CACNA1E: variants seen among roughly 807,000 people sequenced by gnomAD.
The protein encoded by CACNA1E is voltage-dependent R-type calcium channel subunit alpha-1E.
In CACNA1E, 40 loss-of-function variants were observed where a neutral mutation model predicts 259.2. The observed-to-expected ratio is 0.15, with a 90% confidence interval of 0.12 to 0.20. The LOEUF (loss-of-function observed/expected upper bound fraction) is 0.20. Ranked by LOEUF, CACNA1E falls within the 10% of genes least tolerant of loss-of-function variation. CACNA1E has a pLI of 1.00. For synonymous variants in CACNA1E, 1,104 were observed against 1,138.5 expected, an observed-to-expected ratio of 0.97 and a Z score of 0.61; for missense variants, 1,874 against 3,040.1, an observed-to-expected ratio of 0.62 and a Z score of 9.02.
intron 2 of CACNA1E, among the ~76,000 whole-genome samples, chr1:181,452,819 C>G (rs1020445578): frequency 1.3e-5 from 2 of 152,246 alleles, no homozygotes; most frequent in Non-Finnish European, 2.9e-5. Context: ...CCCTCTGGAT[C>G]TTGTTCTAGG....
chr1:181,556,874 G>A (rs1455662700), intron 3 of CACNA1E, among the ~76,000 whole-genome samples: 2 of 152,204 alleles, frequency 1.3e-5, no homozygotes, highest in East Asian at 1.9e-4. Flanking sequence ...AAAGAGAACC[G>A]AGGATAATTT....
chr1:181,401,244 A>G (rs1339971602), intron 1 of CACNA1E, among the ~76,000 whole-genome samples: 1 of 151,844 alleles, frequency 6.6e-6, no homozygotes, highest in Non-Finnish European at 1.5e-5. Context: ...TTTCAGTTGC[A>G]GTCCACCCTA....
intron 18 of CACNA1E, among the ~76,000 whole-genome samples, chr1:181,729,545 G>A (rs1285587333): frequency 6.6e-6 from 1 of 152,206 alleles, no homozygotes; most frequent in Non-Finnish European, 1.5e-5. Flanking sequence ...ACCTCAGAGA[G>A]AAAACCACTC....
intron 7 of CACNA1E, among the ~76,000 whole-genome samples, chr1:181,670,347 G>A (rs1648668774): frequency 6.6e-6 from 1 of 152,198 alleles, no homozygotes; most frequent in African/African-American, 2.4e-5. Flanking sequence ...TGTTAGAGTT[G>A]TAGTTGAATT....
rs554579621 is a variant in CACNA1E, at chr1:181,654,484, A to T, written c.1055+3043A>T. ...CCAGAGCCAAAAGACTCACATTGCC[A>T]GATTAAAAGATGTGTTGAGGCAGAT... On this transcript the variant is annotated intron_variant, in intron 7 of 47. Coordinates refer to ENST00000367573, the MANE Select transcript of CACNA1E (RefSeq NM_001205293.3). Among the ~76,000 whole-genome samples the T allele has an allele frequency of 3.9e-5, 6 of 152,324 alleles. No homozygotes were observed. The South Asian group carries it at 1.2e-3, about 32-fold the overall frequency.
chr1:181,799,154 T>G lies in CACNA1E; in HGVS notation c.*320T>G. On this transcript the variant is annotated 3_prime_UTR_variant, in exon 48 of 48. Coordinates refer to ENST00000367573, the MANE Select transcript of CACNA1E (RefSeq NM_001205293.3). ...TTCCCCTTGCCCCTTCCCACTTTTC[T>G]AAAAGCTGTGGAGGGATCTAGCTGG... The G allele has an allele frequency of 4.4e-6, 1 of 224,762 alleles. No individual in the cohort carries two copies. The highest frequency in any genetic ancestry group is 1.0e-4 in the East Asian group (1 of 9,574). 13.9% of individuals were successfully genotyped at this position (224,762 alleles called of 1,614,324 possible).
intron 6 of CACNA1E, among the ~76,000 whole-genome samples, chr1:181,591,218 A>T (rs1283012880): frequency 1.3e-5 from 2 of 152,320 alleles, no homozygotes; most frequent in East Asian, 3.9e-4. Context: ...CTTTGTGGAG[A>T]CCTTGGAGTC....
At chr1:181,746,337 C>T (rs1335403494) in intron 25 of CACNA1E, among the ~76,000 whole-genome samples, 1 of 152,210 alleles carries the variant, frequency 6.6e-6, no homozygotes, top group Non-Finnish European at 1.5e-5. Flanking sequence ...TTATTTATCA[C>T]CGAACAGTCC....
chr1:181,320,141 C>T (rs536161672), intron 1 of CACNA1E, among the ~76,000 whole-genome samples: 2 of 152,294 alleles, frequency 1.3e-5, no homozygotes, highest in Non-Finnish European at 2.9e-5. Context: ...CACAGAGTCA[C>T]ATGGTTGAGC....
chr1:181,523,795 A>G (rs775511185), intron 3 of CACNA1E, among the ~76,000 whole-genome samples: 3 of 152,226 alleles, frequency 2.0e-5, no homozygotes, highest in East Asian at 3.8e-4. Context: ...CAGAACTGCA[A>G]TGTATGCCCC....
At chr1:181,420,553 T>C (rs1658650320) in intron 2 of CACNA1E, among the ~76,000 whole-genome samples, 1 of 152,242 alleles carries the variant, frequency 6.6e-6, no homozygotes, top group Admixed American at 6.5e-5. Context: ...TGTTATTATT[T>C]ATAATTTACA....
intron 2 of CACNA1E, among the ~76,000 whole-genome samples, chr1:181,469,744 TTAGGGAGG>T (rs1558028315): frequency 1.3e-5 from 2 of 151,508 alleles, no homozygotes; most frequent in African/African-American, 2.4e-5. Flanking sequence ...GAAGGAGCAG[TTAGGGAGG>T]TAGAAGGAGG....
intron 2 of CACNA1E, among the ~76,000 whole-genome samples, chr1:181,434,710 C>G (rs558153762): frequency 6.6e-6 from 1 of 152,106 alleles, no homozygotes; most frequent in African/African-American, 2.4e-5. Flanking sequence ...AAGCAGGGAG[C>G]GCAGGGGGTT....
intron 2 of CACNA1E, among the ~76,000 whole-genome samples, chr1:181,470,414 TTCTC>T (rs1217052564): frequency 1.3e-5 from 2 of 152,094 alleles, no homozygotes; most frequent in Admixed American, 6.6e-5. Context: ...ATGTTCTCTA[TTCTC>T]TCTATGTTGC....
Position 181,798,517 on chromosome 1 carries a change from G to C in CACNA1E, c.6625G>C (p.Glu2209Gln), listed in dbSNP as rs201030442. ...ALESNNACLTESSNSPHPQQS... is the reference protein window; with the variant it reads ...ALESNNACLTQSSNSPHPQQS... ...GGAGAGCAACAATGCTTGCCTGACC[G>C]AGTCTTCCAACTCTCCGCACCCCCA... Residue 2209 changes from glutamate to glutamine, a missense_variant, in exon 48 of 48, where the codon GAG becomes CAG. Glu to Gln is a conservative substitution (Grantham distance 29). Around this residue, in one of 14 missense-constraint regions of CACNA1E, gnomAD observed 542 missense variants for 587.2 expected, o/e 0.92. Coordinates refer to ENST00000367573, the MANE Select transcript of CACNA1E (RefSeq NM_001205293.3). The surrounding 1 kb of genome is among the most constrained non-coding windows in gnomAD (Gnocchi z 4.2). The C allele has an allele frequency of 6.2e-7, 1 of 1,613,840 alleles. No individual in the cohort carries two copies. The highest frequency in any genetic ancestry group is 8.5e-7 in the Non-Finnish European group (1 of 1,179,902).
At chr1:181,620,627 G>A (rs1345081686) in intron 6 of CACNA1E, among the ~76,000 whole-genome samples, 1 of 152,184 alleles carries the variant, frequency 6.6e-6, no homozygotes, top group Non-Finnish European at 1.5e-5. Flanking sequence ...GGTAATGGAG[G>A]TGCAAAGAAG....
intron 3 of CACNA1E, among the ~76,000 whole-genome samples, chr1:181,522,454 T>C (rs1232188029): frequency 6.6e-6 from 1 of 152,194 alleles, no homozygotes; most frequent in Non-Finnish European, 1.5e-5. Flanking sequence ...CATTGCTATA[T>C]GATTATTATG....
chr1:181,362,241 TC>T (rs1220127212), intron 1 of CACNA1E, among the ~76,000 whole-genome samples: 2 of 152,240 alleles, frequency 1.3e-5, no homozygotes, highest in African/African-American at 4.8e-5. Context: ...CAGCTCTGTG[TC>T]TGTCAAACTC....
Position 181,721,148 on chromosome 1 carries a change from T to G in CACNA1E, c.1956+293T>G, listed in dbSNP as rs139051231. On this transcript the variant is annotated intron_variant, in intron 15 of 47. Coordinates refer to ENST00000367573, the MANE Select transcript of CACNA1E (RefSeq NM_001205293.3). Reference sequence around the variant, plus strand: ...GAGGCATTCAGCCAAGAATCACATCTATGGTTTTCTGAAATCTAGGGGCAT... The same window carrying G: ...GAGGCATTCAGCCAAGAATCACATCGATGGTTTTCTGAAATCTAGGGGCAT... Among the ~76,000 whole-genome samples, 1,511 of 152,282 alleles carry G rather than the reference T, an allele frequency of 9.9e-3. 29 individuals carry two copies. The highest frequency in any genetic ancestry group is 0.035 in the African/African-American group (1,445 of 41,560).
Sources: allele counts gnomAD v4.1 joint callset (sites outside exome capture counted in the v4.1 genomes callset), GRCh38; gene constraint gnomAD v4.1.1; regional missense constraint gnomAD v4.1.1; non-coding constraint Gnocchi (gnomAD v3.1); transcripts MANE v1.5; gene names NCBI Gene and HGNC (gene_info 2026-07-23, HGNC 2026-07-21).